Variants in ITIH6 observed in about 807,000 individuals in gnomAD.
The protein encoded by ITIH6 is inter-alpha-trypsin inhibitor heavy chain H6.
ITIH6 carries 60 observed loss-of-function variants against 58.2 expected under a neutral mutation model. The observed-to-expected ratio is 1.03, with a 90% confidence interval of 0.84 to 1.28. ITIH6 has a LOEUF of 1.28. ITIH6 is among the 50% of genes most tolerant of loss of function. The probability of loss-of-function intolerance (pLI) is 0.00; values close to 1 mark genes in which losing one functional copy is unlikely to be tolerated. For synonymous variants in ITIH6, 493 were observed against 417.4 expected (o/e 1.18, Z -2.21); for missense variants, 1,290 against 1,021.1 (o/e 1.26, Z -3.59).
rs770668135 is a variant in ITIH6, at chrX:54,751,503, C to A, written c.3353-123G>T. The A allele has an allele frequency of 5.0e-6, 4 of 802,750 alleles. No individual in the cohort carries two copies. The African/African-American group carries it at 8.2e-5, about 17-fold the overall frequency. The allele number at this position is 802,750 out of a possible 1,213,427, so 66.2% of individuals were successfully genotyped here. A position where few individuals can be genotyped will look rare whatever the true frequency, so the allele number is the denominator to read the frequency against. Reference sequence around the variant, plus strand: ...GCTAGAGGGCCGACTCCTGAGAGAACTACTTCTACCATGGTCCACCTGGCT... The same window carrying A: ...GCTAGAGGGCCGACTCCTGAGAGAAATACTTCTACCATGGTCCACCTGGCT... On this transcript the variant is annotated intron_variant, in intron 11 of 12. Transcript: ENST00000218436.
intron 6 of ITIH6, among the ~76,000 whole-genome samples, chrX:54,771,442 G>A (rs772163445): frequency 2.1e-4 from 23 of 111,719 alleles, no homozygotes; most frequent in African/African-American, 7.5e-4. Context: ...AAGCTCATTG[G>A]TTCTTTACCC....
At chrX:54,773,879 A>G (rs1929001847) in intron 6 of ITIH6, among the ~76,000 whole-genome samples, 1 of 109,710 alleles carries the variant, frequency 9.1e-6, no homozygotes, top group African/African-American at 3.3e-5. Context: ...CAATGTGTCA[A>G]TGTTCTTAGG....
rs757153933 is a variant in ITIH6, at chrX:54,790,828, C to T, written c.616+9G>A. 19 of 1,210,526 alleles carry T rather than the reference C, an allele frequency of 1.6e-5. No homozygotes were observed. The highest frequency in any genetic ancestry group is 1.8e-5 in the Non-Finnish European group (16 of 895,016). ...GTCTGATGGGTGACCCATAGTGCTG[C>T]CCACATACTTGCATGGGCATTGGTG... is the stretch of plus-strand genomic sequence containing the variant. On this transcript the variant is annotated intron_variant, in intron 4 of 12. Coordinates refer to ENST00000218436, the MANE Select transcript of ITIH6 (RefSeq NM_198510.3).
intron 6 of ITIH6, among the ~76,000 whole-genome samples, chrX:54,773,161 G>C (rs992267546): frequency 1.8e-5 from 2 of 111,866 alleles, no homozygotes; most frequent in African/African-American, 6.5e-5. Context: ...CAGTTGATGT[G>C]GTGATAATGT....
intron 12 of ITIH6, 52 bp from the exon 13 acceptor site, chrX:54,750,158 C>T: frequency 1.0e-6 from 1 of 976,036 alleles, no homozygotes; most frequent in Non-Finnish European, 1.4e-6. Flanking sequence ...AGTCCCTGCT[C>T]AGAGATCTGC....
chrX:54,780,850 C>A (rs1929135379), intron 5 of ITIH6, among the ~76,000 whole-genome samples: 1 of 110,575 alleles, frequency 9.0e-6, no homozygotes. Context: ...TGCAGAAATT[C>A]AAAGGATCAT....
intron 5 of ITIH6, among the ~76,000 whole-genome samples, chrX:54,786,882 G>A (rs1929251481): frequency 9.0e-6 from 1 of 111,564 alleles, no homozygotes; most frequent in South Asian, 3.8e-4. Flanking sequence ...CAGATTAGGT[G>A]CCCAGTGAGC....
chrX:54,758,868 G>A lies in ITIH6; in HGVS notation c.1206C>T (p.Ala402=), dbSNP rs949223211. Residue 402 remains alanine (A), a synonymous_variant, in exon 8 of 13, where the codon GCC becomes GCT. Coordinates refer to ENST00000218436, the MANE Select transcript of ITIH6 (RefSeq NM_198510.3). The stretch of plus-strand genomic sequence containing the variant: ...GGATCACACTGGGGGTCGTCACGCC[G>A]GCCGTGGGCTCCCCATCCGTCAGGA... ...IIFLTDGEPT[A]GVTTPSVILS... The A allele has an allele frequency of 6.6e-6, 8 of 1,209,389 alleles. No individual in the cohort carries two copies. Among genetic ancestry groups the A allele is most frequent in the South Asian group, 1.8e-5 (1 of 56,681 alleles).
At chrX:54,753,595 T>G in intron 11 of ITIH6, 56 bp downstream of exon 11, 1 of 879,493 alleles carries the variant, frequency 1.1e-6, no homozygotes, top group Non-Finnish European at 1.7e-6. Context: ...TCTAGGGGTA[T>G]TGACATGGAT....
At chrX:54,796,762 A>G (rs1929450448) in intron 2 of ITIH6, among the ~76,000 whole-genome samples, 180 bp downstream of exon 2, 1 of 111,670 alleles carries the variant, frequency 9.0e-6, no homozygotes, top group Admixed American at 9.5e-5. Context: ...GTAAAATGAG[A>G]CTCCCAGAAA....
rs142183856 is a variant in ITIH6, at chrX:54,751,014, C to A, written c.3719G>T (p.Arg1240Leu). The A allele has an allele frequency of 6.0e-6, 7 of 1,160,508 alleles. No individual in the cohort carries two copies. The Admixed American group carries it at 1.6e-4, about 26-fold the overall frequency. ...ANGSGLSPSA[R>L]GLIGQFQHAD... The stretch of plus-strand genomic sequence containing the variant: ...TCAGCTGCACTTACCTATCAGGCCA[C>A]GGGCTGAGGGGCTGAGGCCTGAGCC... The change falls in exon 12 of 13, where the codon CGT becomes CTT. Residue 1240 changes from arginine to leucine, a missense_variant. Coordinates refer to ENST00000218436, the MANE Select transcript of ITIH6 (RefSeq NM_198510.3).
Position 54,757,397 on chromosome X carries a change from G to A in ITIH6, c.2677C>T (p.Pro893Ser), listed in dbSNP as rs1279632405. The change falls in exon 8 of 13, where the codon CCA becomes TCA. Residue 893 changes from proline to serine, a missense_variant. By Grantham distance (74) the Pro-to-Ser change is moderately conservative. Transcript: ENST00000218436. Reference sequence around the variant, plus strand: ...AGGCTCTCAGGAAGTGGGGGCCTTGGTCTGTCAGGTCTAGGAGGTAGTGGG... The same window carrying A: ...AGGCTCTCAGGAAGTGGGGGCCTTGATCTGTCAGGTCTAGGAGGTAGTGGG... ...QTPLPPRPDR[P>S]RPPLPESLST... 8.3e-7 allele frequency: 1 copy of A among 1,210,458 alleles called. No homozygotes were observed. Among genetic ancestry groups the A allele is most frequent in the South Asian group, 1.8e-5 (1 of 56,851 alleles).
chrX:54,767,972 T>C (rs1569544063), intron 6 of ITIH6, among the ~76,000 whole-genome samples: 1 of 98,918 alleles, frequency 1.0e-5, no homozygotes, highest in Admixed American at 1.1e-4. Flanking sequence ...CATTGATCTG[T>C]CTAATGTTGA....
intron 5 of ITIH6, among the ~76,000 whole-genome samples, chrX:54,778,442 G>C (rs181438042): frequency 9.0e-6 from 1 of 111,335 alleles, no homozygotes; most frequent in African/African-American, 3.3e-5. Context: ...TGGTCCACCC[G>C]TCTCAGCATC....
At chrX:54,788,162 T>C (rs1038224663) in intron 5 of ITIH6, among the ~76,000 whole-genome samples, 1 of 111,546 alleles carries the variant, frequency 9.0e-6, no homozygotes, top group African/African-American at 3.3e-5. Context: ...TGAGAATCCA[T>C]AAGCTTAGGT....
intron 6 of ITIH6, among the ~76,000 whole-genome samples, chrX:54,771,325 G>A (rs951972579): frequency 9.0e-6 from 1 of 111,652 alleles, no homozygotes; most frequent in Admixed American, 9.5e-5. Context: ...TGATGCATAT[G>A]TAACACTTTT....
intron 6 of ITIH6, among the ~76,000 whole-genome samples, chrX:54,770,447 T>C (rs952240015): frequency 8.9e-6 from 1 of 112,993 alleles, no homozygotes; most frequent in African/African-American, 3.2e-5. Flanking sequence ...TTTTTTGGCT[T>C]CTCTAGTTTT....
In ITIH6 at chrX:54,751,015, G is replaced by C. The variant is rs769134048; in HGVS notation, c.3718C>G (p.Arg1240Gly). 1.7e-6 allele frequency: 2 copies of C among 1,160,308 alleles called. No individual in the cohort carries two copies. Among genetic ancestry groups the C allele is most frequent in the African/African-American group, 3.5e-5 (2 of 56,721 alleles). Residue 1240 changes from arginine (R) to glycine (G), a missense_variant, in exon 12 of 13, where the codon CGT (arginine) becomes GGT (glycine). Coordinates refer to ENST00000218436, the MANE Select transcript of ITIH6 (RefSeq NM_198510.3). Reference sequence around the variant, plus strand: ...CAGCTGCACTTACCTATCAGGCCACGGGCTGAGGGGCTGAGGCCTGAGCCA... The same window carrying C: ...CAGCTGCACTTACCTATCAGGCCACCGGCTGAGGGGCTGAGGCCTGAGCCA... ...ANGSGLSPSA[R>G]GLIGQFQHAD... is the part of the protein sequence containing the mutation.
chrX:54,768,655 T>C (rs1254307641), intron 6 of ITIH6, among the ~76,000 whole-genome samples: 2 of 108,517 alleles, frequency 1.8e-5, no homozygotes, highest in Non-Finnish European at 3.8e-5. Flanking sequence ...TTTGGCTGGA[T>C]ATGAAATTCT....
Sources: allele counts gnomAD v4.1 joint callset (sites outside exome capture counted in the v4.1 genomes callset), GRCh38; gene constraint gnomAD v4.1.1; transcripts MANE v1.5; gene names NCBI Gene and HGNC (gene_info 2026-07-23, HGNC 2026-07-21).